The following STIM1 variants were observed in gnomAD, a reference collection of about 807,000 sequenced individuals.
STIM1 encodes the protein stromal interaction molecule 1.
In STIM1, 25 loss-of-function variants were observed where a neutral mutation model predicts 74.7. That is an observed-to-expected ratio of 0.33 (90% CI 0.24 to 0.47). The LOEUF is 0.47. STIM1 is among the 20% of genes least tolerant of loss of function. The pLI is 1.00. For missense variants in STIM1, 728 were observed against 920.8 expected (o/e 0.79, Z 2.71); for synonymous variants, 328 against 348.8 (o/e 0.94, Z 0.66).
intron 1 of STIM1, among the ~76,000 whole-genome samples, chr11:3,918,906 G>A (rs1194358619): frequency 6.6e-6 from 1 of 152,134 alleles, no homozygotes; most frequent in Non-Finnish European, 1.5e-5. Flanking sequence ...AAAAAAGTGT[G>A]TTTCCAATAT....
chr11:4,070,084 G>A lies in STIM1; in HGVS notation c.672G>A (p.Val224=), dbSNP rs773503681. 6.2e-7 allele frequency: 1 copy of A among 1,614,148 alleles called. No homozygotes were observed. The highest frequency in any genetic ancestry group is 8.5e-7 in the Non-Finnish European group (1 of 1,180,032). The change falls in exon 6 of 13, where the codon GTG becomes GTA. Residue 224 remains valine (V), a synonymous_variant. Transcript: ENST00000526596. ...TGGTGGTGTCTATCGTTATTGGTGT[G>A]GGCGGCTGCTGGTTTGCCTATATCC... is the stretch of plus-strand genomic sequence containing the variant. The part of the protein sequence containing the change: ...FMLVVSIVIG[V]GGCWFAYIQN...
chr11:4,058,783 T>G, intron 4 of STIM1: 1 of 986,520 alleles, frequency 1.0e-6, no homozygotes, highest in Non-Finnish European at 1.2e-6. Context: ...TAATTAAAAT[T>G]TTTTTTCCTT....
chr11:4,051,703 G>C (rs1427805337), intron 3 of STIM1, among the ~76,000 whole-genome samples: 1 of 152,046 alleles, frequency 6.6e-6, no homozygotes, highest in Non-Finnish European at 1.5e-5. Flanking sequence ...CTAGAGTGCA[G>C]TGGCGTGATC....
intron 1 of STIM1, chr11:3,868,328 C>T (rs1315777257): frequency 6.6e-6 from 1 of 152,230 alleles, no homozygotes; most frequent in Non-Finnish European, 1.5e-5. Flanking sequence ...AGGTGTTTTA[C>T]ATCTGCAAAA....
chr11:3,888,661 G>C lies in STIM1; in HGVS notation c.139+32252G>C, dbSNP rs980297925. 1.9e-4 allele frequency among the ~76,000 whole-genome samples: 29 copies of C among 151,986 alleles called. 1 individual carries two copies. The highest frequency in any genetic ancestry group is 6.5e-4 in the African/African-American group (27 of 41,380). On this transcript the variant is annotated intron_variant, in intron 1 of 12. Coordinates refer to ENST00000526596, the MANE Select transcript of STIM1 (RefSeq NM_001382567.1). ...CAAGGGATTTTCCTGCCTAAGCCTG[G>C]AGATTACAGGTGCACACCACCTGGG... is the stretch of plus-strand genomic sequence containing the variant.
chr11:3,932,458 C>G (rs113194728), intron 1 of STIM1, among the ~76,000 whole-genome samples: 88 of 152,048 alleles, frequency 5.8e-4, no homozygotes, highest in African/African-American at 2.0e-3. Context: ...GTCAGGAGAT[C>G]GAGACCATCA....
intron 1 of STIM1, among the ~76,000 whole-genome samples, chr11:3,919,617 A>G (rs945847156): frequency 6.6e-6 from 1 of 152,142 alleles, no homozygotes; most frequent in African/African-American, 2.4e-5. Context: ...GTGATGAAAT[A>G]TATTCGTATC....
chr11:4,076,345 G>A (rs910754312), intron 7 of STIM1, among the ~76,000 whole-genome samples: 1 of 151,746 alleles, frequency 6.6e-6, no homozygotes, highest in African/African-American at 2.4e-5. Context: ...AATTAACTGG[G>A]TGTGGTGGCA....
chr11:4,058,556 C>T lies in STIM1; in HGVS notation c.498-725C>T, dbSNP rs143174026. Among the ~76,000 whole-genome samples the T allele has an allele frequency of 2.6e-3, 399 of 152,264 alleles. 1 individual carries two copies. The highest frequency in any genetic ancestry group is 9.0e-3 in the African/African-American group (372 of 41,558). ...TTTTCAACCTTTCATATCTTTTACC[C>T]CCCTCCTCTTATATCCACTGTGTTC... On this transcript the variant is annotated intron_variant, in intron 4 of 12. Transcript: ENST00000526596.
chr11:3,906,295 C>T (rs1056623217), intron 1 of STIM1, among the ~76,000 whole-genome samples: 1 of 152,174 alleles, frequency 6.6e-6, no homozygotes, highest in African/African-American at 2.4e-5. Flanking sequence ...GACATGATTT[C>T]CAGTCTAAGA....
chr11:4,002,351 A>T (rs2093726977), intron 2 of STIM1, among the ~76,000 whole-genome samples: 1 of 150,988 alleles, frequency 6.6e-6, no homozygotes, highest in Admixed American at 6.6e-5. Flanking sequence ...AGCACTCCTC[A>T]GCAAATGTAA....
intron 4 of STIM1, chr11:4,058,625 T>C: frequency 4.7e-6 from 1 of 214,568 alleles, no homozygotes; most frequent in Non-Finnish European, 8.0e-6. Context: ...GGTCATTTTC[T>C]TGTTCACAGG....
intron 2 of STIM1, among the ~76,000 whole-genome samples, chr11:4,015,353 A>G (rs2093885614): frequency 6.6e-6 from 1 of 150,980 alleles, no homozygotes; most frequent in Non-Finnish European, 1.5e-5. Context: ...AAATTCTTTA[A>G]GAATGTTGAA....
rs555699822 is a variant in STIM1 at position 3,990,774 on chromosome 11, C to A, written c.270+23092C>A. Among the ~76,000 whole-genome samples the A allele has an allele frequency of 9.2e-5, 14 of 152,240 alleles. No individual in the cohort carries two copies. The South Asian group carries it at 2.9e-3, about 32-fold the overall frequency. The stretch of plus-strand genomic sequence containing the variant: ...CTTTAGAGAAATATTTTCTCAGATC[C>A]TTTGCTCATTTATTTTATTTTTTAT... On this transcript the variant is annotated intron_variant, in intron 2 of 12. Coordinates refer to ENST00000526596, the MANE Select transcript of STIM1 (RefSeq NM_001382567.1).
upstream of STIM1, chr11:3,855,009 C>G (rs964786081): frequency 6.6e-6 from 1 of 152,290 alleles, no homozygotes; most frequent in Admixed American, 6.5e-5. Context: ...CAGGCCCTCC[C>G]AGGAGCGCCG....
At chr11:4,009,549 A>C (rs1590644519) in intron 2 of STIM1, among the ~76,000 whole-genome samples, 3 of 151,936 alleles carry the variant, frequency 2.0e-5, no homozygotes, top group Non-Finnish European at 4.4e-5. Flanking sequence ...CAGAGGTTGC[A>C]GTGAGCTGAG....
At chr11:3,912,168 C>T (rs1158615557) in intron 1 of STIM1, among the ~76,000 whole-genome samples, 5 of 108,282 alleles carry the variant, frequency 4.6e-5, no homozygotes, top group African/African-American at 1.8e-4. Context: ...TCTCCCCTCC[C>T]CTCTCCTCCT....
chr11:3,869,539 G>C (rs1340352058), intron 1 of STIM1, among the ~76,000 whole-genome samples: 1 of 152,206 alleles, frequency 6.6e-6, no homozygotes, highest in African/African-American at 2.4e-5. Flanking sequence ...TCCAGTCATA[G>C]GAAATGTTAT....
intron 1 of STIM1, among the ~76,000 whole-genome samples, chr11:3,901,211 A>G (rs575577612): frequency 8.5e-5 from 13 of 152,280 alleles, no homozygotes; most frequent in Non-Finnish European, 1.3e-4. Context: ...TGTTCTTCAG[A>G]ATGTCAGTAT....
Sources: allele counts gnomAD v4.1 joint callset (sites outside exome capture counted in the v4.1 genomes callset), GRCh38; gene constraint gnomAD v4.1.1; transcripts MANE v1.5; gene names NCBI Gene and HGNC (gene_info 2026-07-23, HGNC 2026-07-21).